PREX1: variants seen among roughly 807,000 people sequenced by gnomAD.
PREX1 encodes phosphatidylinositol 3,4,5-trisphosphate-dependent Rac exchanger 1 protein.
In PREX1, 41 loss-of-function variants were observed where a neutral mutation model predicts 198.3. That is an observed-to-expected ratio of 0.21 (90% CI 0.16 to 0.27). The LOEUF (loss-of-function observed/expected upper bound fraction) is 0.27. Ranked by LOEUF, PREX1 falls within the 10% of genes least tolerant of loss-of-function variation. The pLI is 1.00. For missense variants in PREX1, 1,620 were observed against 2,200.7 expected, an observed-to-expected ratio of 0.74 and a Z score of 5.28; for synonymous variants, 843 against 887.2, an observed-to-expected ratio of 0.95 and a Z score of 0.89.
At chr20:48,764,307 C>T (rs2122853316) in intron 1 of PREX1, among the ~76,000 whole-genome samples, 1 of 152,286 alleles carries the variant, frequency 6.6e-6, no homozygotes, top group Middle Eastern at 3.4e-3. Flanking sequence ...AGCCCTTGAC[C>T]ATTGTGGTGG....
intron 39 of PREX1, among the ~76,000 whole-genome samples, chr20:48,627,058 C>T (rs968042128): frequency 6.6e-6 from 1 of 152,182 alleles, no homozygotes; most frequent in African/African-American, 2.4e-5. Context: ...TCAGGCATCG[C>T]AGGCCTGGGC....
chr20:48,731,868 G>A (rs542678973), intron 4 of PREX1, among the ~76,000 whole-genome samples: 7 of 152,334 alleles, frequency 4.6e-5, no homozygotes, highest in African/African-American at 1.4e-4. Flanking sequence ...AAGAAAGAAA[G>A]AAGTCAGTCC....
chr20:48,882,488 T>A, the PREX1 span, among the ~76,000 whole-genome samples: 1 of 105,642 alleles, frequency 9.5e-6, no homozygotes, highest in African/African-American at 4.0e-5. Context: ...GGCAACACAG[T>A]GAGACTCCGT....
intron 20 of PREX1, 93 bp from the exon 21 acceptor site, chr20:48,652,799 G>A: frequency 7.1e-7 from 1 of 1,411,674 alleles, no homozygotes; most frequent in East Asian, 2.4e-5. Context: ...GGGTTCCAGA[G>A]CTCTGGAAAC....
At chr20:48,866,990 T>C in the PREX1 span, among the ~76,000 whole-genome samples, 1 of 152,132 alleles carries the variant, frequency 6.6e-6, no homozygotes, top group Non-Finnish European at 1.5e-5. Context: ...TTCTAAGGTG[T>C]GTGACTTTTA....
intron 6 of PREX1, among the ~76,000 whole-genome samples, chr20:48,702,496 AG>A (rs918785440): frequency 6.6e-5 from 10 of 152,258 alleles, no homozygotes. Context: ...TACATCTCCC[AG>A]CCCCCCTTGT....
intron 5 of PREX1, 127 bp downstream of exon 5, chr20:48,726,163 T>C (rs1337234150): frequency 1.4e-6 from 1 of 724,518 alleles, no homozygotes; most frequent in African/African-American, 1.8e-5. Flanking sequence ...GGCAGGGTCC[T>C]GGTTTAAATC....
At chr20:48,837,831 T>TGA in the PREX1 span, among the ~76,000 whole-genome samples, 6 of 141,172 alleles carry the variant, frequency 4.3e-5, no homozygotes, top group South Asian at 4.5e-4. Context: ...AAAAGTTTAA[T>TGA]GAGAGAGAGA....
At chr20:48,698,274 G>A (rs538227494) in intron 7 of PREX1, among the ~76,000 whole-genome samples, 6 of 152,244 alleles carry the variant, frequency 3.9e-5, no homozygotes, top group African/African-American at 1.4e-4. Flanking sequence ...CAGGTGAGAC[G>A]GCCCCAGAGG....
intron 2 of PREX1, among the ~76,000 whole-genome samples, chr20:48,746,995 CACACACACACACA>C (rs1568848686): frequency 3.9e-5 from 5 of 127,408 alleles, no homozygotes; most frequent in Admixed American, 7.7e-5. Context: ...CACACACACA[CACACACACACACA>C]CACCCCACCC....
chr20:48,770,922 G>A (rs145870322), intron 1 of PREX1, among the ~76,000 whole-genome samples: 4 of 152,144 alleles, frequency 2.6e-5, no homozygotes, highest in Non-Finnish European at 4.4e-5. Flanking sequence ...GGAGAGGGAG[G>A]AGCCTGGGCA....
chr20:48,778,684 G>A (rs1055332719), intron 1 of PREX1, among the ~76,000 whole-genome samples: 2 of 152,180 alleles, frequency 1.3e-5, no homozygotes, highest in Non-Finnish European at 2.9e-5. Context: ...ACAGAAAAGA[G>A]AGTACAGGAA....
chr20:48,716,592 A>T (rs1196475775), intron 5 of PREX1, among the ~76,000 whole-genome samples: 1 of 152,176 alleles, frequency 6.6e-6, no homozygotes, highest in African/African-American at 2.4e-5. Context: ...AGAGAGGAGG[A>T]TGAGCTGCAG....
chr20:48,760,505 C>T (rs1452018497), intron 1 of PREX1, among the ~76,000 whole-genome samples: 1 of 152,006 alleles, frequency 6.6e-6, no homozygotes, highest in African/African-American at 2.4e-5. Flanking sequence ...CAAGTCACCA[C>T]ACTTCTGAGT....
chr20:48,702,595 C>T (rs1185173675), intron 6 of PREX1, among the ~76,000 whole-genome samples: 1 of 152,214 alleles, frequency 6.6e-6, no homozygotes, highest in African/African-American at 2.4e-5. Flanking sequence ...CCTCCCTTTC[C>T]TCTTTCCAGA....
intron 15 of PREX1, 84 bp from the exon 16 acceptor site, chr20:48,660,145 G>T: frequency 6.5e-7 from 1 of 1,547,894 alleles, no homozygotes; most frequent in Non-Finnish European, 8.9e-7. Context: ...GCACAGGCTG[G>T]AACTAGGCCA....
the PREX1 span, among the ~76,000 whole-genome samples, chr20:48,852,654 C>T: frequency 6.6e-6 from 1 of 152,188 alleles, no homozygotes; most frequent in Non-Finnish European, 1.5e-5. Flanking sequence ...GGTCCTGGAA[C>T]ATTCTGAGTA....
chr20:48,678,246 G>A (rs760045197), intron 13 of PREX1, among the ~76,000 whole-genome samples: 2 of 151,986 alleles, frequency 1.3e-5, no homozygotes, highest in African/African-American at 2.4e-5. Flanking sequence ...CCCGGCGGAG[G>A]TTGCAGTAAG....
At chr20:48,880,811 A>G in the PREX1 span, among the ~76,000 whole-genome samples, 6 of 152,120 alleles carry the variant, frequency 3.9e-5, no homozygotes, top group South Asian at 1.2e-3. Context: ...CACAGGTAAG[A>G]AAATGAAATA....
Sources: gnomAD v4.1 joint callset for allele counts (sites outside exome capture counted in the v4.1 genomes callset) on GRCh38, gnomAD v4.1.1 for gene constraint, MANE v1.5 for transcripts, NCBI Gene and HGNC (gene_info 2026-07-23, HGNC 2026-07-21) for gene names.